CHRM2: variants seen among roughly 807,000 people sequenced by gnomAD.
The protein encoded by CHRM2 is muscarinic acetylcholine receptor M2.
Under a neutral mutation model 25.0 loss-of-function variants are expected in CHRM2, and 8 were observed. That is an observed-to-expected ratio of 0.32 (90% CI 0.19 to 0.58). The LOEUF (loss-of-function observed/expected upper bound fraction) is 0.58. Among genes scored for constraint, CHRM2 ranks in the 20% least tolerant of loss-of-function variants. The pLI, the probability that CHRM2 is intolerant of heterozygous loss-of-function variation, is 0.88. For synonymous variants in CHRM2, 202 were observed against 205.7 expected, an observed-to-expected ratio of 0.98 and a Z score of 0.15; for missense variants, 440 against 567.1, an observed-to-expected ratio of 0.78 and a Z score of 2.28.
intron 2 of CHRM2, among the ~76,000 whole-genome samples, chr7:136,990,813 G>A (rs1439783853): frequency 6.6e-6 from 1 of 152,124 alleles, no homozygotes. Context: ...CTTCCAAAGT[G>A]GCTGTGCCAT....
intron 2 of CHRM2, among the ~76,000 whole-genome samples, chr7:136,933,210 T>C (rs1466556199): frequency 6.6e-6 from 1 of 152,132 alleles, no homozygotes; most frequent in Non-Finnish European, 1.5e-5. Context: ...CTAAAGAAAC[T>C]CTTACAGCTT....
chr7:136,966,316 T>A (rs1206622192), intron 2 of CHRM2, among the ~76,000 whole-genome samples: 1 of 151,994 alleles, frequency 6.6e-6, no homozygotes, highest in South Asian at 2.1e-4. Context: ...TGCTTCATTT[T>A]TAATAAAATT....
intron 2 of CHRM2, among the ~76,000 whole-genome samples, chr7:136,888,979 C>A (rs752838399): frequency 7.7e-6 from 1 of 129,084 alleles, no homozygotes. Flanking sequence ...ACCCGGGAGG[C>A]GGAGCTTGCA....
intron 2 of CHRM2, among the ~76,000 whole-genome samples, chr7:136,935,668 C>T (rs150883591): frequency 1.3e-5 from 2 of 152,138 alleles, no homozygotes; most frequent in East Asian, 1.9e-4. Context: ...ACTGGAGGCA[C>T]GGAGACTTCT....
chr7:136,957,801 A>G (rs1012216222), intron 2 of CHRM2, among the ~76,000 whole-genome samples: 1 of 152,246 alleles, frequency 6.6e-6, no homozygotes, highest in African/African-American at 2.4e-5. Context: ...TGCATAGAAA[A>G]TCTTCATATC....
chr7:136,920,264 C>T (rs1798354748), intron 2 of CHRM2, among the ~76,000 whole-genome samples: 1 of 152,110 alleles, frequency 6.6e-6, no homozygotes, highest in Non-Finnish European at 1.5e-5. Flanking sequence ...GATAGTGAAA[C>T]ATTTTGCACC....
At chr7:136,898,637 A>C (rs1012198227) in intron 2 of CHRM2, 1 of 152,130 alleles carries the variant, frequency 6.6e-6, no homozygotes, top group Admixed American at 6.6e-5. Context: ...TTAGAGAAAG[A>C]AGTTGCTGAC....
intron 2 of CHRM2, among the ~76,000 whole-genome samples, chr7:136,919,899 A>G (rs1798332981): frequency 6.6e-6 from 1 of 151,866 alleles, no homozygotes; most frequent in African/African-American, 2.4e-5. Context: ...TGACCTTCGG[A>G]TTGTTTATTT....
At chr7:136,973,573 G>T (rs113787700) in intron 2 of CHRM2, among the ~76,000 whole-genome samples, 2 of 95,588 alleles carry the variant, frequency 2.1e-5, no homozygotes, top group East Asian at 3.2e-4. Context: ...TGACGGTGAC[G>T]GTGTTAGGGA....
intron 2 of CHRM2, among the ~76,000 whole-genome samples, chr7:136,930,841 G>T (rs1386973506): frequency 4.4e-4 from 62 of 140,668 alleles, no homozygotes; most frequent in African/African-American, 1.6e-3. Flanking sequence ...AGTTTGCAGT[G>T]AGCCGAGACT....
At chr7:136,875,310 T>G (rs979208252) in intron 2 of CHRM2, among the ~76,000 whole-genome samples, 1 of 152,114 alleles carries the variant, frequency 6.6e-6, no homozygotes, top group Non-Finnish European at 1.5e-5. Context: ...CATGATTGTG[T>G]GAATAATAAT....
At chr7:136,918,080 G>A (rs529271870) in intron 2 of CHRM2, among the ~76,000 whole-genome samples, 2 of 152,152 alleles carry the variant, frequency 1.3e-5, no homozygotes, top group South Asian at 2.1e-4. Flanking sequence ...ATGAATGAAG[G>A]AACAGAAAAC....
Position 137,015,024 on chromosome 7 carries a change from CCTCCAGACCGTCAA to C in CHRM2, c.161_174del (p.Leu54GlnfsTer11). On this transcript the variant is annotated frameshift_variant, in exon 4 of 4. Transcript: ENST00000680005. LOFTEE classifies it high-confidence loss of function. This position sits in a 1 kb window ranked among gnomAD's most constrained non-coding sequence, Gnocchi z 5.1. ...TGGTTTCCATTAAAGTCAACCGCCA[CCTCCAGACCGTCAA>C]CAATTACTTTTTATTCAGCTTGGCC... The C allele has an allele frequency of 6.2e-7, 1 of 1,613,394 alleles. No homozygotes were observed. The highest frequency in any genetic ancestry group is 8.5e-7 in the Non-Finnish European group (1 of 1,179,588).
chr7:136,925,394 G>T (rs1000579930), intron 2 of CHRM2, among the ~76,000 whole-genome samples: 1 of 151,880 alleles, frequency 6.6e-6, no homozygotes, highest in Non-Finnish European at 1.5e-5. Flanking sequence ...AGAAATTTGG[G>T]GCTCAATAAA....
intron 2 of CHRM2, among the ~76,000 whole-genome samples, chr7:136,941,700 A>G (rs557674302): frequency 6.6e-6 from 1 of 152,366 alleles, no homozygotes; most frequent in Admixed American, 6.5e-5. Flanking sequence ...GCCACTGAGA[A>G]TATCAGTGTC....
chr7:136,983,690 C>T (rs1018630176), intron 2 of CHRM2, among the ~76,000 whole-genome samples: 1 of 152,228 alleles, frequency 6.6e-6, no homozygotes, highest in Non-Finnish European at 1.5e-5. Context: ...ACAGTCAAGT[C>T]CCTCTTCTGC....
At chr7:136,920,824 C>T (rs1487542505) in intron 2 of CHRM2, among the ~76,000 whole-genome samples, 8 of 152,152 alleles carry the variant, frequency 5.3e-5, no homozygotes, top group African/African-American at 1.9e-4. Flanking sequence ...CATCAGCTCA[C>T]TTCTGCCAAA....
chr7:137,004,797 C>A (rs940928261), intron 3 of CHRM2, among the ~76,000 whole-genome samples: 5 of 152,034 alleles, frequency 3.3e-5, no homozygotes, highest in African/African-American at 1.2e-4. Flanking sequence ...TCTCAATTGC[C>A]ATTAGATCAT....
chr7:136,930,944 A>ACCACATAT (rs1799065657), intron 2 of CHRM2, among the ~76,000 whole-genome samples: 1 of 148,316 alleles, frequency 6.7e-6, no homozygotes, highest in African/African-American at 2.5e-5. Context: ...AAAGATCCTT[A>ACCACATAT]CCACATATTA....
Sources: gnomAD v4.1 joint callset for allele counts (sites outside exome capture counted in the v4.1 genomes callset) on GRCh38, gnomAD v4.1.1 for gene constraint, Gnocchi (gnomAD v3.1) non-coding constraint, MANE v1.5 for transcripts, NCBI Gene and HGNC (gene_info 2026-07-23, HGNC 2026-07-21) for gene names.